The following CNOT9 variants were observed in gnomAD, a reference collection of about 807,000 sequenced individuals.
The protein encoded by CNOT9 is CCR4-NOT transcription complex subunit 9, also known as RCD1 required for cell differentiation1 homolog.
CNOT9 carries 8 observed loss-of-function variants against 37.4 expected under a neutral mutation model. That is an observed-to-expected ratio of 0.21 (90% CI 0.13 to 0.39). The LOEUF is 0.39. Ranked by LOEUF, CNOT9 falls within the 10% of genes least tolerant of loss-of-function variation. The probability of loss-of-function intolerance (pLI) is 1.00; values close to 1 mark genes in which losing one functional copy is unlikely to be tolerated. For synonymous variants in CNOT9, 120 were observed against 137.6 expected, an observed-to-expected ratio of 0.87 and a Z score of 0.90; for missense variants, 154 against 365.3, an observed-to-expected ratio of 0.42 and a Z score of 4.71.
At chr2:218,570,246 G>A (rs144456829) in intron 1 of CNOT9, among the ~76,000 whole-genome samples, 2 of 152,292 alleles carry the variant, frequency 1.3e-5, no homozygotes, top group Non-Finnish European at 2.9e-5. Context: ...AAAGGGAAAT[G>A]ATTTAAGGAA....
In CNOT9 at chr2:218,585,448, C is replaced by CTGT. The variant is rs1367923594; in HGVS notation, c.430+728_430+730dup. Among the ~76,000 whole-genome samples, 3 of 149,172 alleles carry CTGT rather than the reference C, an allele frequency of 2.0e-5. No individual in the cohort carries two copies. The East Asian group carries it at 6.3e-4, about 31-fold the overall frequency. On this transcript the variant is annotated intron_variant, in intron 4 of 7. Coordinates refer to ENST00000273064, the MANE Select transcript of CNOT9 (RefSeq NM_005444.3). ...ATCAGCCGGGCGTGGTGGCATGTGC[C>CTGT]TGTAGTCCCAGCTGCTGGGGAGGCT...
At position 218,582,999 on chromosome 2, in the gene CNOT9, A is replaced by G. The variant is rs746201725; in HGVS notation, c.233A>G (p.Asn78Ser). ...QEIVNIYPSINPPTLTAHQSN... is the reference protein window; with the variant it reads ...QEIVNIYPSISPPTLTAHQSN... Reference sequence around the variant, plus strand: ...ATTGTAAATATTTATCCATCTATCAACCCACCCACCTTGACAGCACACCAG... The same window carrying G: ...ATTGTAAATATTTATCCATCTATCAGCCCACCCACCTTGACAGCACACCAG... Residue 78 changes from asparagine (N) to serine (S), a missense_variant, in exon 3 of 8, where the codon AAC (asparagine) becomes AGC (serine). By Grantham distance (46) the Asn-to-Ser change is conservative. This residue lies in a region of CNOT9 where 117 missense variants were observed against 325.4 expected (regional missense o/e 0.36). Transcript: ENST00000273064. The G allele has an allele frequency of 1.9e-6, 3 of 1,613,072 alleles. No homozygotes were observed. The highest frequency in any genetic ancestry group is 2.5e-6 in the Non-Finnish European group (3 of 1,179,240).
chr2:218,574,055 G>A (rs187762964), intron 1 of CNOT9: 5 of 428,964 alleles, frequency 1.2e-5, no homozygotes, highest in East Asian at 8.2e-5. Context: ...CCGCAACCTC[G>A]ACCTTCTGGG....
rs139828963 is a variant in CNOT9, at chr2:218,581,112, A to G, written c.204+372A>G. ...GTGGAAAGTAGAGTATAAGGACCACAAGGTACAATATATTCTATGGAAAAG... is the reference window on the plus strand; with the variant it reads ...GTGGAAAGTAGAGTATAAGGACCACGAGGTACAATATATTCTATGGAAAAG... On this transcript the variant is annotated intron_variant, in intron 2 of 7. Transcript: ENST00000273064. The G allele has an allele frequency of 1.2e-3, 530 of 434,670 alleles. 2 individuals carry two copies. Among genetic ancestry groups the G allele is most frequent in the African/African-American group, 9.9e-3 (489 of 49,560 alleles). The allele number at this position is 434,670 out of a possible 1,614,324, so 26.9% of individuals were successfully genotyped here.
intron 1 of CNOT9, among the ~76,000 whole-genome samples, chr2:218,570,113 T>A (rs1019457485): frequency 6.6e-6 from 1 of 152,182 alleles, no homozygotes; most frequent in African/African-American, 2.4e-5. Flanking sequence ...TCAGATACTT[T>A]GCTGCATGAA....
At chr2:218,588,693 C>T (rs1196339845) in intron 5 of CNOT9, among the ~76,000 whole-genome samples, 3 of 144,192 alleles carry the variant, frequency 2.1e-5, no homozygotes, top group South Asian at 2.2e-4. Flanking sequence ...CAGCCTCCCA[C>T]GTAGCTGGGA....
intron 5 of CNOT9, among the ~76,000 whole-genome samples, chr2:218,588,434 A>T (rs673669): frequency 6.6e-6 from 1 of 150,852 alleles, no homozygotes; most frequent in Non-Finnish European, 1.5e-5. Context: ...GACTACAGGC[A>T]TGTGCCACCA....
chr2:218,583,182 A>G lies in CNOT9; in HGVS notation c.320+96A>G, dbSNP rs991203947. 4.6e-5 allele frequency: 35 copies of G among 762,188 alleles called. 2 individuals are homozygous for G. The highest frequency in any genetic ancestry group is 7.3e-5 in the Non-Finnish European group (33 of 450,206). The allele number at this position is 762,188 out of a possible 1,614,324, so 47.2% of individuals were successfully genotyped here. On this transcript the variant is annotated intron_variant, in intron 3 of 7. Transcript: ENST00000273064. ...AAAAGGAAGGGCATGGAGGAGAGAG[A>G]GAGAGAACGTTTGTGTGTGTGTGTG... is the stretch of plus-strand genomic sequence containing the variant.
rs148321797 is a variant in CNOT9 at position 218,584,625 on chromosome 2, G to A, written c.334G>A (p.Ala112Thr). ...SHPETRSAFL[A>T]AHIPLFLYPF... ...GTTTTCTTCCAGGTCAGCGTTTCTC[G>A]CAGCACACATCCCACTTTTTTTGTA... The change falls in exon 4 of 8, where the codon GCA (alanine) becomes ACA (threonine). Residue 112 changes from alanine to threonine, a missense_variant. Coordinates refer to ENST00000273064, the MANE Select transcript of CNOT9 (RefSeq NM_005444.3). 25 of 1,613,060 alleles carry A rather than the reference G, an allele frequency of 1.5e-5. No individual in the cohort carries two copies. Among genetic ancestry groups the A allele is most frequent in the African/African-American group, 9.4e-5 (7 of 74,864 alleles).
intron 1 of CNOT9, among the ~76,000 whole-genome samples, chr2:218,570,407 T>A (rs1042693198): frequency 6.6e-6 from 1 of 152,242 alleles, no homozygotes; most frequent in Non-Finnish European, 1.5e-5. Context: ...TGATCTCCAT[T>A]GTCAGTTCCA....
In CNOT9 at chr2:218,568,959, A is replaced by G; in HGVS notation, c.5A>G (p.His2Arg). 2 of 1,610,502 alleles carry G rather than the reference A, an allele frequency of 1.2e-6. No homozygotes were observed. The highest frequency in any genetic ancestry group is 1.7e-6 in the Non-Finnish European group (2 of 1,178,560). Residue 2 changes from histidine (H) to arginine (R), a missense_variant, in exon 1 of 8, where the codon CAC (histidine) becomes CGC (arginine). Around this residue, in one of 2 missense-constraint regions of CNOT9, gnomAD observed 37 missense variants for 39.9 expected, o/e 0.93. Transcript: ENST00000273064. MHSLATAAPVPT... is the reference protein window; with the variant it reads MRSLATAAPVPT... ...AGAGCGGCGGCCGCTCACAACATGC[A>G]CAGCCTGGCGACGGCTGCGGTGAGT... is the stretch of plus-strand genomic sequence containing the variant.
chr2:218,569,105 C>G, intron 1 of CNOT9, 127 bp downstream of exon 1: 2 of 984,266 alleles, frequency 2.0e-6, no homozygotes, highest in South Asian at 1.6e-5. Flanking sequence ...TCCAAGGCCC[C>G]GGTTCCCCTC....
intron 1 of CNOT9, among the ~76,000 whole-genome samples, chr2:218,577,376 G>A (rs1341862028): frequency 6.6e-6 from 1 of 152,138 alleles, no homozygotes; most frequent in African/African-American, 2.4e-5. Flanking sequence ...CCTCCTTTTG[G>A]CTAGAATGAC....
intron 5 of CNOT9, among the ~76,000 whole-genome samples, chr2:218,588,679 G>T (rs1372911975): frequency 8.1e-6 from 1 of 123,884 alleles, no homozygotes; most frequent in Admixed American, 1.1e-4. Flanking sequence ...CAATTCTTCT[G>T]CCTCAGCCTC....
chr2:218,583,673 A>T (rs1202786790), intron 3 of CNOT9, among the ~76,000 whole-genome samples: 22 of 152,198 alleles, frequency 1.4e-4, no homozygotes, highest in Non-Finnish European at 2.9e-5. Flanking sequence ...TAGTCATCTT[A>T]TTAAAGCCTT....
chr2:218,596,926 T>C lies in CNOT9; in HGVS notation c.*2650T>C, dbSNP rs1694941977. 6.6e-6 allele frequency: 1 copy of C among 152,236 alleles called. No individual in the cohort carries two copies. Among genetic ancestry groups the C allele is most frequent in the African/African-American group, 2.4e-5 (1 of 41,466 alleles). The allele number at this position is 152,236 out of a possible 1,614,324, so 9.4% of individuals were successfully genotyped here. A position where few individuals can be genotyped will look rare whatever the true frequency, so the allele number is the denominator to read the frequency against. On this transcript the variant is annotated 3_prime_UTR_variant, in exon 8 of 8. Transcript: ENST00000273064. ...CAAGAGCCTTAGAGGGCCTGTGGCC[T>C]GTTTCACTGGTGGAACAGGAGCAGC...
At chr2:218,593,813 A>G in intron 7 of CNOT9, 1 of 1,233,180 alleles carries the variant, frequency 8.1e-7, no homozygotes, top group Non-Finnish European at 1.0e-6. Context: ...GTATTTTGAC[A>G]GTATTTAATA....
chr2:218,576,983 T>TC (rs1366790788), intron 1 of CNOT9, among the ~76,000 whole-genome samples: 1 of 140,750 alleles, frequency 7.1e-6, no homozygotes, highest in Non-Finnish European at 1.6e-5. Flanking sequence ...AAAAAAAAAG[T>TC]CATCTTTAGA....
chr2:218,596,661 A>G lies in CNOT9; in HGVS notation c.*2385A>G, dbSNP rs1461161247. On this transcript the variant is annotated 3_prime_UTR_variant, in exon 8 of 8. Transcript: ENST00000273064. ...TGTTTGGGAGGCTGGGAGGGGGATG[A>G]TGCCCCTTACCTGATAAAAGTATGT... is the stretch of plus-strand genomic sequence containing the variant. 1 of 152,210 alleles carries G rather than the reference A, an allele frequency of 6.6e-6. No homozygotes were observed. The highest frequency in any genetic ancestry group is 1.5e-5 in the Non-Finnish European group (1 of 68,056). 9.4% of individuals were successfully genotyped at this position (152,210 alleles called of 1,614,324 possible). A position where few individuals can be genotyped will look rare whatever the true frequency, so the allele number is the denominator to read the frequency against.
Sources: allele counts gnomAD v4.1 joint callset (sites outside exome capture counted in the v4.1 genomes callset), GRCh38; gene constraint gnomAD v4.1.1; regional missense constraint gnomAD v4.1.1; transcripts MANE v1.5; gene names NCBI Gene and HGNC (gene_info 2026-07-23, HGNC 2026-07-21).